SPECC1: variants seen among roughly 807,000 people sequenced by gnomAD.
SPECC1 encodes the protein sperm antigen with calponin homology and coiled-coil domains 1.
In SPECC1, 62 loss-of-function variants were observed where a neutral mutation model predicts 104.1. That is an observed-to-expected ratio of 0.60 (90% confidence interval 0.49 to 0.74). The LOEUF (loss-of-function observed/expected upper bound fraction) is 0.74. Among genes scored for constraint, SPECC1 ranks in the 30% least tolerant of loss-of-function variants. SPECC1 has a pLI of 0.00. For missense variants in SPECC1, 1,306 were observed against 1,310.5 expected (o/e 1.00, Z 0.05); for synonymous variants, 513 against 501.6 (o/e 1.02, Z -0.30).
chr17:20,296,859 C>G, intron 12 of SPECC1, 102 bp from the exon 13 acceptor site: 1 of 1,088,114 alleles, frequency 9.2e-7, no homozygotes, highest in Non-Finnish European at 1.4e-6. Flanking sequence ...GATTTTTGCA[C>G]ATTGATTTTG....
intron 3 of SPECC1, among the ~76,000 whole-genome samples, chr17:20,129,472 G>A (rs2049492824): frequency 1.3e-5 from 2 of 152,152 alleles, no homozygotes. Flanking sequence ...ACAGGTGTGA[G>A]CCACCGCGCC....
At chr17:20,059,411 C>T (rs76447366) in intron 1 of SPECC1, among the ~76,000 whole-genome samples, 11,182 of 151,984 alleles carry the variant, frequency 0.074, 550 homozygotes, top group African/African-American at 0.14. Context: ...GAGGTGAAGC[C>T]CAGGTGGTAA....
At chr17:20,237,592 C>T (rs1208800400) in intron 7 of SPECC1, 2 of 196,076 alleles carry the variant, frequency 1.0e-5, no homozygotes, top group African/African-American at 4.6e-5. Context: ...GGATTACAGA[C>T]ATGAGCCACC....
In SPECC1 at chr17:20,113,719, A is replaced by T. The variant is rs1219048864; in HGVS notation, c.283+3157A>T. On this transcript the variant is annotated intron_variant, in intron 3 of 14. Coordinates refer to ENST00000395527, the MANE Select transcript of SPECC1 (RefSeq NM_001243439.2). ...GGAAGAACTTACCTATCACTACAACACTTATAAATGAGCATTTCTCAGAAT... is the reference window on the plus strand; with the variant it reads ...GGAAGAACTTACCTATCACTACAACTCTTATAAATGAGCATTTCTCAGAAT... 1.2e-4 allele frequency among the ~76,000 whole-genome samples: 19 copies of T among 152,200 alleles called. 1 individual carries two copies. Among genetic ancestry groups the T allele is most frequent in the Non-Finnish European group, 4.4e-5 (3 of 68,026 alleles).
chr17:20,141,090 T>A (rs1388556174), intron 3 of SPECC1, among the ~76,000 whole-genome samples: 1 of 152,172 alleles, frequency 6.6e-6, no homozygotes, highest in African/African-American at 2.4e-5. Context: ...CTCCTGCCAC[T>A]GCAGACCTTG....
chr17:20,249,668 A>T (rs972175399), intron 9 of SPECC1, among the ~76,000 whole-genome samples: 1 of 152,228 alleles, frequency 6.6e-6, no homozygotes, highest in African/African-American at 2.4e-5. Context: ...AAAATAAAAT[A>T]CCTGAATTAA....
chr17:20,033,768 C>T (rs1045276690), intron 1 of SPECC1, among the ~76,000 whole-genome samples: 1 of 152,190 alleles, frequency 6.6e-6, no homozygotes, highest in Non-Finnish European at 1.5e-5. Context: ...GCCCCACCTC[C>T]AGTACTGGGG....
intron 1 of SPECC1, among the ~76,000 whole-genome samples, chr17:20,068,041 T>G (rs2046421389): frequency 6.6e-6 from 1 of 152,048 alleles, no homozygotes; most frequent in Non-Finnish European, 1.5e-5. Flanking sequence ...AGTGCAGTGC[T>G]GCAATCTCAG....
At chr17:20,209,716 C>T (rs998658483) in intron 4 of SPECC1, among the ~76,000 whole-genome samples, 6 of 152,188 alleles carry the variant, frequency 3.9e-5, no homozygotes, top group Admixed American at 6.5e-5. Context: ...CCCAAAGCCA[C>T]CACTCCTATC....
chr17:20,269,823 T>C (rs1223921740), intron 12 of SPECC1, among the ~76,000 whole-genome samples: 1 of 152,230 alleles, frequency 6.6e-6, no homozygotes, highest in Non-Finnish European at 1.5e-5. Context: ...TCTGGCTTTG[T>C]GTCCTTTCGC....
rs1057331175 is a variant in SPECC1 at position 20,137,656 on chromosome 17, C to CT, written c.283+27097dup. On this transcript the variant is annotated intron_variant, in intron 3 of 14. Coordinates refer to ENST00000395527, the MANE Select transcript of SPECC1 (RefSeq NM_001243439.2). ...TTAAAAGGTTTTTTTAAAATTAAAT[C>CT]TTTATTTTATTTATTATTTTGTTTT... Among the ~76,000 whole-genome samples, 46 of 151,956 alleles carry CT rather than the reference C, an allele frequency of 3.0e-4. 1 individual carries two copies. The highest frequency in any genetic ancestry group is 3.0e-3 in the Admixed American group (46 of 15,242).
chr17:20,053,514 G>T (rs1385304717), intron 1 of SPECC1, among the ~76,000 whole-genome samples: 1 of 152,180 alleles, frequency 6.6e-6, no homozygotes. Flanking sequence ...GTTAGGAGTA[G>T]GTCCATAGTG....
intron 3 of SPECC1, among the ~76,000 whole-genome samples, chr17:20,151,830 C>T (rs546228160): frequency 3.9e-5 from 6 of 152,124 alleles, no homozygotes; most frequent in Non-Finnish European, 8.8e-5. Flanking sequence ...AGGTGGATCA[C>T]CTGAGGTCAG....
At chr17:20,043,957 G>T (rs2045433974) in intron 1 of SPECC1, among the ~76,000 whole-genome samples, 1 of 152,126 alleles carries the variant, frequency 6.6e-6, no homozygotes. Flanking sequence ...TTTCTTGGGA[G>T]CCAGGAGAGT....
chr17:20,228,377 A>C (rs769897200), intron 5 of SPECC1, among the ~76,000 whole-genome samples: 2 of 151,934 alleles, frequency 1.3e-5, no homozygotes, highest in Non-Finnish European at 2.9e-5. Flanking sequence ...GCTGTGCTGG[A>C]TGTGTTTTGT....
chr17:20,194,508 T>TTTTTTTTTTATTTTTTTTA (rs2035892042), intron 3 of SPECC1, among the ~76,000 whole-genome samples: 1 of 118,264 alleles, frequency 8.5e-6, no homozygotes, highest in South Asian at 3.0e-4. Flanking sequence ...ACGAATTTTT[T>TTTTTTTTTTATTTTTTTTA]TTTTTTTTTT....
At chr17:20,234,615 T>C (rs535109704) in intron 7 of SPECC1, among the ~76,000 whole-genome samples, 2 of 152,334 alleles carry the variant, frequency 1.3e-5, no homozygotes, top group African/African-American at 4.8e-5. Flanking sequence ...TCAAAAGTCA[T>C]TCTTGGTTCA....
chr17:20,254,887 T>C (rs2039767853), intron 10 of SPECC1, among the ~76,000 whole-genome samples: 1 of 152,186 alleles, frequency 6.6e-6, no homozygotes, highest in Non-Finnish European at 1.5e-5. Context: ...CTTCTTTGCT[T>C]TTTCATGGAA....
chr17:20,090,343 T>G (rs768993214), intron 1 of SPECC1, among the ~76,000 whole-genome samples: 95 of 152,290 alleles, frequency 6.2e-4, no homozygotes, highest in African/African-American at 2.2e-3. Context: ...TGCTGCACTT[T>G]CCGTTTTGCT....
Sources: allele counts gnomAD v4.1 joint callset (sites outside exome capture counted in the v4.1 genomes callset), GRCh38; gene constraint gnomAD v4.1.1; transcripts MANE v1.5; gene names NCBI Gene and HGNC (gene_info 2026-07-23, HGNC 2026-07-21).